Variants in PLCZ1 observed in about 807,000 individuals in gnomAD.
PLCZ1 encodes the protein 1-phosphatidylinositol 4,5-bisphosphate phosphodiesterase zeta-1.
A neutral mutation model predicts 76.8 loss-of-function variants in PLCZ1; 64 were observed. The observed-to-expected ratio is 0.83, with a 90% CI of 0.68 to 1.03. The LOEUF is 1.03. Ranked by LOEUF, PLCZ1 falls within the 50% of genes least tolerant of loss-of-function variation. The pLI, the probability that PLCZ1 is intolerant of heterozygous loss-of-function variation, is 0.00. For synonymous variants in PLCZ1, 248 were observed against 230.8 expected, an observed-to-expected ratio of 1.07 and a Z score of -0.68; for missense variants, 751 against 713.7, an observed-to-expected ratio of 1.05 and a Z score of -0.60.
intron 3 of PLCZ1, among the ~76,000 whole-genome samples, chr12:18,723,850 A>G (rs774714822): frequency 3.3e-5 from 5 of 152,110 alleles, no homozygotes; most frequent in Non-Finnish European, 5.9e-5. Context: ...ATATCTTCTT[A>G]AAACCATACC....
intron 3 of PLCZ1, among the ~76,000 whole-genome samples, chr12:18,732,196 G>A (rs1441470556): frequency 6.6e-6 from 1 of 152,000 alleles, no homozygotes. Flanking sequence ...TTGTCACCCA[G>A]GCTAGAGAGC....
chr12:18,737,249 T>C (rs562038062), intron 2 of PLCZ1, 112 bp downstream of exon 2: 3 of 1,188,004 alleles, frequency 2.5e-6, no homozygotes, highest in Non-Finnish European at 3.8e-6. Context: ...GCAGTTCAAC[T>C]TAAATGAAGA....
In PLCZ1 at chr12:18,701,692, C is replaced by T. The variant is rs1955952388; in HGVS notation, c.949G>A (p.Gly317Arg). The T allele has an allele frequency of 6.2e-7, 1 of 1,612,668 alleles. No homozygotes were observed. The highest frequency in any genetic ancestry group is 8.5e-7 in the Non-Finnish European group (1 of 1,179,456). ...TCTTCTTCCCATTCCTCCACCTTAC[C>T]ACGCTTATCAGAACCTTTTCTTTCA... The part of the protein sequence containing the change: ...THERKGSDKR[G>R]DNQDKETGVK... Residue 317 changes from glycine to arginine, a missense_variant and splice_region_variant, in exon 8 of 15, where the codon GGA becomes AGA. Gly to Arg is a moderately radical substitution (Grantham distance 125). Coordinates refer to ENST00000266505, the MANE Select transcript of PLCZ1 (RefSeq NM_033123.4).
chr12:18,729,625 A>G (rs534192720), intron 3 of PLCZ1, among the ~76,000 whole-genome samples: 1 of 152,206 alleles, frequency 6.6e-6, no homozygotes, highest in East Asian at 1.9e-4. Flanking sequence ...CCAACAATCA[A>G]AAGTGTAATC....
chr12:18,680,705 T>C (rs531885299), downstream of PLCZ1, among the ~76,000 whole-genome samples: 9 of 152,200 alleles, frequency 5.9e-5, no homozygotes, highest in South Asian at 1.9e-3. Flanking sequence ...CACAGTTGCA[T>C]CTATTGCTCA....
Position 18,699,777 on chromosome 12 carries a change from G to T in PLCZ1, c.1174+17C>A. 1.2e-6 allele frequency: 2 copies of T among 1,606,818 alleles called. No homozygotes were observed. Among genetic ancestry groups the T allele is most frequent in the South Asian group, 2.2e-5 (2 of 90,870 alleles). On this transcript the variant is annotated intron_variant, in intron 10 of 14. Transcript: ENST00000266505. ...ACTCATTTAAACATTTCATCTATTT[G>T]AGTCACAAAAATTTACCTCGCAATT... is the stretch of plus-strand genomic sequence containing the variant.
chr12:18,691,810 A>G (rs1022453828), intron 12 of PLCZ1, among the ~76,000 whole-genome samples: 3 of 152,312 alleles, frequency 2.0e-5, no homozygotes, highest in Admixed American at 2.0e-4. Flanking sequence ...CTTCTACATC[A>G]GAGTCACAAA....
intron 10 of PLCZ1, among the ~76,000 whole-genome samples, chr12:18,697,594 TAGG>T (rs1289200207): frequency 1.3e-5 from 2 of 152,110 alleles, no homozygotes; most frequent in African/African-American, 2.4e-5. Flanking sequence ...TACTGTAAAA[TAGG>T]AGGACATCAA....
At chr12:18,677,630 A>C in the PLCZ1 span, among the ~76,000 whole-genome samples, 4 of 152,126 alleles carry the variant, frequency 2.6e-5, no homozygotes, top group African/African-American at 9.7e-5. Flanking sequence ...CAAAAATCAC[A>C]AAGCTGAAGC....
In PLCZ1 at chr12:18,737,379, T is replaced by C. The variant is rs780131566; in HGVS notation, c.-8A>G. On this transcript the variant is annotated 5_prime_UTR_variant, in exon 2 of 15. The change abolishes an upstream ATG in the 5' untranslated region. Coordinates refer to ENST00000266505, the MANE Select transcript of PLCZ1 (RefSeq NM_033123.4). Reference sequence around the variant, plus strand: ...TGGATATCTCATTTCCATAGTTTCATGACCTGTAGAGCCGTTTCTCCTCAC... The same window carrying C: ...TGGATATCTCATTTCCATAGTTTCACGACCTGTAGAGCCGTTTCTCCTCAC... 6 of 1,613,758 alleles carry C rather than the reference T, an allele frequency of 3.7e-6. No homozygotes were observed. The Admixed American group carries it at 5.0e-5, about 13-fold the overall frequency.
At chr12:18,681,246 G>GTT (rs1952384483), downstream of PLCZ1, among the ~76,000 whole-genome samples, 1 of 152,008 alleles carries the variant, frequency 6.6e-6, no homozygotes, top group East Asian at 1.9e-4. Context: ...GTAAAGAAGC[G>GTT]TAAGTCAGGG....
intron 5 of PLCZ1, among the ~76,000 whole-genome samples, chr12:18,714,498 C>T (rs906666152): frequency 1.3e-5 from 2 of 152,154 alleles, no homozygotes; most frequent in African/African-American, 2.4e-5. Context: ...AAAATGTGAT[C>T]TAAAACGCGA....
intron 12 of PLCZ1, among the ~76,000 whole-genome samples, chr12:18,690,351 G>T (rs1953886434): frequency 6.6e-6 from 1 of 152,042 alleles, no homozygotes; most frequent in African/African-American, 2.4e-5. Flanking sequence ...AGCCTCCCAA[G>T]TAGCTGGGAT....
chr12:18,701,640 TCCTCCTCCTC>T lies in PLCZ1; in HGVS notation c.949+42_949+51del. The T allele has an allele frequency of 1.9e-6, 3 of 1,573,304 alleles. No individual in the cohort carries two copies. In the South Asian group the frequency reaches 3.4e-5, roughly 18 times the overall value. On this transcript the variant is annotated intron_variant, in intron 8 of 14. Transcript: ENST00000266505. ...CTCCTCCTCCTCCTCCTCCTCCTCC[TCCTCCTCCTC>T]CTCTCCATCTGCCACTTCTTCTTCC...
intron 10 of PLCZ1, among the ~76,000 whole-genome samples, chr12:18,698,262 A>G (rs952122257): frequency 1.3e-5 from 2 of 151,376 alleles, no homozygotes; most frequent in Non-Finnish European, 2.9e-5. Flanking sequence ...ATTCTATTCT[A>G]TTCTATTCTA....
At position 18,699,747 on chromosome 12, in the gene PLCZ1, A is replaced by T. The variant is rs1383069647; in HGVS notation, c.1174+47T>A. On this transcript the variant is annotated intron_variant, in intron 10 of 14. Transcript: ENST00000266505. Reference sequence around the variant, plus strand: ...AGCAATCTTAACACCCTAGCAGTGAATCTAACTCATTTAAACATTTCATCT... The same window carrying T: ...AGCAATCTTAACACCCTAGCAGTGATTCTAACTCATTTAAACATTTCATCT... 1.9e-6 allele frequency: 3 copies of T among 1,549,098 alleles called. No individual in the cohort carries two copies. In the East Asian group the frequency reaches 6.8e-5, roughly 35 times the overall value.
At chr12:18,721,651 G>A (rs376922566) in intron 4 of PLCZ1, among the ~76,000 whole-genome samples, 9 of 150,618 alleles carry the variant, frequency 6.0e-5, no homozygotes, top group African/African-American at 2.2e-4. Flanking sequence ...AGTTGGCAAT[G>A]ACATAAAGAG....
At chr12:18,721,659 G>A (rs558433474) in intron 4 of PLCZ1, among the ~76,000 whole-genome samples, 1 of 150,410 alleles carries the variant, frequency 6.6e-6, no homozygotes, top group South Asian at 2.1e-4. Context: ...ATGACATAAA[G>A]AGCTTGAGCC....
chr12:18,683,237 T>C lies in PLCZ1; in HGVS notation c.*2A>G. The C allele has an allele frequency of 3.7e-6, 6 of 1,611,824 alleles. No homozygotes were observed. The highest frequency in any genetic ancestry group is 5.1e-6 in the Non-Finnish European group (6 of 1,178,282). ...TAATGATATGTCATTTATCATTAGC[T>C]GTTATCTGACGTACCAAACATAAAC... is the stretch of plus-strand genomic sequence containing the variant. On this transcript the variant is annotated 3_prime_UTR_variant, in exon 15 of 15. Transcript: ENST00000266505.
Sources: gnomAD v4.1 joint callset for allele counts (sites outside exome capture counted in the v4.1 genomes callset) on GRCh38, gnomAD v4.1.1 for gene constraint, MANE v1.5 for transcripts, NCBI Gene and HGNC (gene_info 2026-07-23, HGNC 2026-07-21) for gene names.